The following NAV3 variants were observed in gnomAD, a reference collection of about 807,000 sequenced individuals.
NAV3 encodes the protein neuron navigator 3.
NAV3 carries 87 observed loss-of-function variants against 244.7 expected under a neutral mutation model. The observed-to-expected ratio is 0.36, with a 90% CI of 0.30 to 0.42. The LOEUF (loss-of-function observed/expected upper bound fraction) is 0.42. NAV3 is among the 20% of genes least tolerant of loss of function. The probability of loss-of-function intolerance (pLI) is 1.00; values close to 1 mark genes in which losing one functional copy is unlikely to be tolerated. For synonymous variants in NAV3, 1,126 were observed against 1,042.2 expected, an observed-to-expected ratio of 1.08 and a Z score of -1.55; for missense variants, 2,663 against 2,893.3, an observed-to-expected ratio of 0.92 and a Z score of 1.83.
At chr12:78,103,679 G>T (rs1383969579) in intron 12 of NAV3, among the ~76,000 whole-genome samples, 1 of 152,208 alleles carries the variant, frequency 6.6e-6, no homozygotes, top group African/African-American at 2.4e-5. Context: ...ATGGCAGGAG[G>T]CAAAAGGCAT....
At chr12:77,678,915 T>C (rs1874325835) in intron 2 of NAV3, among the ~76,000 whole-genome samples, 2 of 152,140 alleles carry the variant, frequency 1.3e-5, no homozygotes, top group African/African-American at 4.8e-5. Flanking sequence ...CTTCTGTTTA[T>C]CTAGAAACTT....
intron 1 of NAV3, among the ~76,000 whole-genome samples, chr12:77,874,332 C>T (rs1292407074): frequency 1.3e-5 from 2 of 152,054 alleles, no homozygotes; most frequent in African/African-American, 4.8e-5. Flanking sequence ...AATCCTCCAG[C>T]CTCAGCCTCC....
chr12:77,760,088 C>T (rs539332138), intron 2 of NAV3, among the ~76,000 whole-genome samples: 1 of 152,310 alleles, frequency 6.6e-6, no homozygotes, highest in African/African-American at 2.4e-5. Flanking sequence ...CAGAATGTCT[C>T]TGGTGTTAGA....
intron 23 of NAV3, among the ~76,000 whole-genome samples, chr12:78,163,275 C>CTGT (rs1190676993): frequency 1.3e-5 from 2 of 152,158 alleles, no homozygotes; most frequent in Non-Finnish European, 2.9e-5. Flanking sequence ...GGATTCACTC[C>CTGT]TAACACTTTT....
intron 2 of NAV3, among the ~76,000 whole-genome samples, chr12:77,691,329 G>A (rs1267580533): frequency 4.3e-4 from 29 of 66,692 alleles, no homozygotes; most frequent in East Asian, 2.7e-3. Context: ...AAGTATTTGT[G>A]TATGTGTGTA....
intron 2 of NAV3, among the ~76,000 whole-genome samples, chr12:77,778,750 T>G (rs896047177): frequency 5.9e-5 from 9 of 151,982 alleles, no homozygotes; most frequent in African/African-American, 1.7e-4. Context: ...AAGGGAAGAG[T>G]TGTCAATCCT....
intron 9 of NAV3, chr12:78,037,084 G>A (rs138836129): frequency 8.5e-6 from 6 of 702,930 alleles, no homozygotes; most frequent in African/African-American, 1.7e-5. Context: ...TTTCTCTCGC[G>A]GTCTGTGCAG....
intron 12 of NAV3, among the ~76,000 whole-genome samples, chr12:78,061,839 G>T (rs929480535): frequency 2.0e-5 from 3 of 151,928 alleles, no homozygotes; most frequent in African/African-American, 7.3e-5. Context: ...CTGTAATTGA[G>T]ATCATGTAAA....
At chr12:78,028,938 C>A (rs2136929766) in intron 9 of NAV3, among the ~76,000 whole-genome samples, 1 of 152,254 alleles carries the variant, frequency 6.6e-6, no homozygotes, top group East Asian at 1.9e-4. Flanking sequence ...CCTTAAATAG[C>A]ATGCCAGCAG....
intron 2 of NAV3, among the ~76,000 whole-genome samples, chr12:77,608,934 C>A (rs1429414944): frequency 6.6e-6 from 1 of 152,014 alleles, no homozygotes; most frequent in Non-Finnish European, 1.5e-5. Flanking sequence ...AAGGTTCTTC[C>A]AGATCACATT....
At chr12:77,967,465 A>G (rs1290445606) in intron 4 of NAV3, among the ~76,000 whole-genome samples, 1 of 152,108 alleles carries the variant, frequency 6.6e-6, no homozygotes, top group East Asian at 1.9e-4. Context: ...GTCATTTTAT[A>G]TTAATTATTT....
intron 2 of NAV3, among the ~76,000 whole-genome samples, chr12:77,624,511 C>T (rs1248284228): frequency 6.6e-6 from 1 of 151,874 alleles, no homozygotes; most frequent in African/African-American, 2.4e-5. Flanking sequence ...AGCCTGTGGT[C>T]TGGAAAGAGT....
chr12:77,890,137 A>G (rs1265552302), intron 1 of NAV3, among the ~76,000 whole-genome samples: 1 of 152,206 alleles, frequency 6.6e-6, no homozygotes, highest in East Asian at 1.9e-4. Context: ...TATAATTCAA[A>G]TTGAATCAAG....
At chr12:78,074,558 G>A (rs1044843613) in intron 12 of NAV3, among the ~76,000 whole-genome samples, 3 of 152,100 alleles carry the variant, frequency 2.0e-5, no homozygotes, top group Non-Finnish European at 4.4e-5. Context: ...ACAAAAATTA[G>A]CCAGGCGTGG....
intron 24 of NAV3, among the ~76,000 whole-genome samples, chr12:78,169,445 C>CT (rs548993021): frequency 1.1e-3 from 161 of 151,812 alleles, no homozygotes; most frequent in African/African-American, 3.8e-3. Context: ...ATTTCTGCCA[C>CT]TGCCCCTACC....
intron 2 of NAV3, among the ~76,000 whole-genome samples, chr12:77,723,007 T>G (rs1876707746): frequency 6.6e-6 from 1 of 152,092 alleles, no homozygotes. Flanking sequence ...GTAGCTTTTG[T>G]GTTATCAGCT....
chr12:77,824,240 A>AT (rs1872869864), intron 2 of NAV3, among the ~76,000 whole-genome samples: 110 of 117,560 alleles, frequency 9.4e-4, no homozygotes, highest in African/African-American at 4.0e-3. Context: ...CGCCCAACTA[A>AT]ATTTTTTTTT....
intron 2 of NAV3, among the ~76,000 whole-genome samples, chr12:77,594,100 A>T (rs930924604): frequency 1.3e-5 from 2 of 152,192 alleles, no homozygotes; most frequent in Non-Finnish European, 2.9e-5. Flanking sequence ...GCTTCTTGTA[A>T]CAACAACAAA....
chr12:77,779,586 A>T (rs1870563276), intron 2 of NAV3, among the ~76,000 whole-genome samples: 1 of 152,166 alleles, frequency 6.6e-6, no homozygotes, highest in Non-Finnish European at 1.5e-5. Flanking sequence ...TAACTTATTT[A>T]TATAATTTAA....
Sources: allele counts gnomAD v4.1 joint callset (sites outside exome capture counted in the v4.1 genomes callset), GRCh38; gene constraint gnomAD v4.1.1; transcripts MANE v1.5; gene names NCBI Gene and HGNC (gene_info 2026-07-23, HGNC 2026-07-21).